RAB27A: variants seen among roughly 807,000 people sequenced by gnomAD.
RAB27A encodes the protein RAB27A, member RAS oncogene family.
RAB27A carries 17 observed loss-of-function variants against 20.8 expected under a neutral mutation model. That is an observed-to-expected ratio of 0.82 (90% confidence interval 0.56 to 1.23). The LOEUF is 1.23. RAB27A is among the 50% of genes most tolerant of loss of function. The pLI is 0.00. For synonymous variants in RAB27A, 85 were observed against 92.8 expected (o/e 0.92, Z 0.48); for missense variants, 277 against 266.7 (o/e 1.04, Z -0.27).
chr15:55,293,726 T>C (rs1368385326), upstream of RAB27A, among the ~76,000 whole-genome samples: 2 of 152,142 alleles, frequency 1.3e-5, no homozygotes, highest in Admixed American at 1.3e-4. Context: ...GAGACCAGCC[T>C]GGCCAACTTG....
Position 55,318,400 on chromosome 15 carries a change from T to C in RAB27A, c.-234+531A>G, listed in dbSNP as rs185418980. Among the ~76,000 whole-genome samples the C allele has an allele frequency of 1.7e-4, 24 of 138,242 alleles. No homozygotes were observed. The East Asian group carries it at 6.2e-3, about 36-fold the overall frequency. The allele number at this position is 138,242 out of a possible 152,430, so 90.7% of individuals were successfully genotyped here. On this transcript the variant is annotated intron_variant, in intron 1 of 5. Coordinates refer to the RAB27A transcript ENST00000563262. ...GCGTGAGCCACCGCGCCCGGCCTGG[T>C]TTTACTTTTAACAAGAGGAGTGGGC...
chr15:55,273,498 T>G (rs910360578), intron 1 of RAB27A, among the ~76,000 whole-genome samples: 3 of 152,014 alleles, frequency 2.0e-5, no homozygotes, highest in African/African-American at 7.2e-5. Flanking sequence ...ATTTGCTGCC[T>G]GAAAGAGAGT....
chr15:55,269,613 A>G (rs1897636569), intron 2 of RAB27A, among the ~76,000 whole-genome samples: 1 of 151,914 alleles, frequency 6.6e-6, no homozygotes, highest in Non-Finnish European at 1.5e-5. Flanking sequence ...CAGGCATGGT[A>G]GCGTGGGGTC....
rs141090803 is a variant in RAB27A at position 55,236,396 on chromosome 15, G to T, written c.-22-1440C>A. Reference sequence around the variant, plus strand: ...TCTCTAGAGTATCACTGCTCACTTGGGAACTGAGTTCCAGATTTGAACAGT... The same window carrying T: ...TCTCTAGAGTATCACTGCTCACTTGTGAACTGAGTTCCAGATTTGAACAGT... On this transcript the variant is annotated intron_variant, in intron 2 of 6. Coordinates refer to ENST00000336787, the MANE Select transcript of RAB27A (RefSeq NM_183235.3). 8.6e-4 allele frequency among the ~76,000 whole-genome samples: 131 copies of T among 152,044 alleles called. 2 individuals carry two copies. Among genetic ancestry groups the T allele is most frequent in the African/African-American group, 3.1e-3 (127 of 41,486 alleles).
At chr15:55,285,924 T>A (rs906895970) in intron 1 of RAB27A, among the ~76,000 whole-genome samples, 3 of 152,236 alleles carry the variant, frequency 2.0e-5, no homozygotes, top group Admixed American at 2.0e-4. Context: ...TCTGCCACTG[T>A]GGGAGGGACC....
intron 6 of RAB27A, among the ~76,000 whole-genome samples, chr15:55,217,806 G>A (rs574113746): frequency 1.1e-4 from 17 of 150,924 alleles, no homozygotes; most frequent in East Asian, 7.8e-4. Flanking sequence ...TGCCAAAGAC[G>A]AAAAAATTCA....
intron 2 of RAB27A, among the ~76,000 whole-genome samples, chr15:55,246,842 A>C (rs1345774709): frequency 1.3e-5 from 2 of 152,038 alleles, no homozygotes; most frequent in African/African-American, 2.4e-5. Context: ...TGAGTGCAAA[A>C]TCTACAAAGT....
At chr15:55,233,623 T>C (rs1173088751) in intron 3 of RAB27A, among the ~76,000 whole-genome samples, 2 of 152,130 alleles carry the variant, frequency 1.3e-5, no homozygotes, top group Admixed American at 6.5e-5. Flanking sequence ...GCAGAAGCCA[T>C]TGATAGAAAA....
chr15:55,205,735 C>T (rs1479619258), intron 6 of RAB27A, 30 bp from the exon 7 acceptor site: 3 of 1,558,208 alleles, frequency 1.9e-6, no homozygotes, highest in South Asian at 1.1e-5. Context: ...GAGGTAACAA[C>T]ATGTGGAGGG....
At chr15:55,273,126 G>T (rs1257027393) in intron 1 of RAB27A, among the ~76,000 whole-genome samples, 2 of 152,174 alleles carry the variant, frequency 1.3e-5, no homozygotes, top group South Asian at 2.1e-4. Flanking sequence ...AGACATAGAG[G>T]TTGGGCACGG....
intron 1 of RAB27A, among the ~76,000 whole-genome samples, chr15:55,316,270 T>C (rs2055043532): frequency 1.3e-5 from 2 of 150,052 alleles, no homozygotes; most frequent in African/African-American, 2.4e-5. Flanking sequence ...ATGTACTTTG[T>C]AGGGACATGG....
At chr15:55,303,631 G>A (rs1345445658) in intron 2 of RAB27A, among the ~76,000 whole-genome samples, 3 of 97,100 alleles carry the variant, frequency 3.1e-5, no homozygotes, top group Non-Finnish European at 4.2e-5. Context: ...CCCCCCGCCC[G>A]GCCAGCCGCC....
chr15:55,308,210 C>G (rs1273993624), intron 2 of RAB27A, among the ~76,000 whole-genome samples: 3 of 152,076 alleles, frequency 2.0e-5, no homozygotes, highest in Admixed American at 1.3e-4. Context: ...TTCTGATGAC[C>G]CCGGCAGTGT....
At chr15:55,246,328 C>A (rs1280457928) in intron 2 of RAB27A, among the ~76,000 whole-genome samples, 2 of 151,984 alleles carry the variant, frequency 1.3e-5, no homozygotes, top group African/African-American at 4.8e-5. Flanking sequence ...ACACAAACAA[C>A]TGTATGTTAG....
intron 2 of RAB27A, among the ~76,000 whole-genome samples, chr15:55,263,502 T>C (rs1897348875): frequency 6.6e-6 from 1 of 152,222 alleles, no homozygotes; most frequent in Non-Finnish European, 1.5e-5. Flanking sequence ...ATCCGAATTT[T>C]CTTTTGAACA....
intron 2 of RAB27A, among the ~76,000 whole-genome samples, chr15:55,241,043 T>C (rs879559759): frequency 6.6e-6 from 1 of 152,202 alleles, no homozygotes; most frequent in Non-Finnish European, 1.5e-5. Context: ...GTAAGTTCTA[T>C]GTAAGTATTA....
intron 2 of RAB27A, among the ~76,000 whole-genome samples, chr15:55,304,331 G>A (rs1251813029): frequency 6.6e-6 from 1 of 151,184 alleles, no homozygotes; most frequent in Admixed American, 6.6e-5. Context: ...ACTGCGGAAG[G>A]CCGCAGGGTC....
At chr15:55,268,115 T>C (rs772501239) in intron 2 of RAB27A, among the ~76,000 whole-genome samples, 4 of 151,874 alleles carry the variant, frequency 2.6e-5, no homozygotes, top group Non-Finnish European at 5.9e-5. Flanking sequence ...ATGGATAAAA[T>C]GCCCTCATGA....
intron 2 of RAB27A, among the ~76,000 whole-genome samples, chr15:55,295,983 G>A (rs1229553120): frequency 5.4e-5 from 8 of 149,488 alleles, no homozygotes; most frequent in African/African-American, 9.9e-5. Flanking sequence ...TGCAACCTCC[G>A]CCTTCCGGTT....
Sources: gnomAD v4.1 joint callset for allele counts (sites outside exome capture counted in the v4.1 genomes callset) on GRCh38, gnomAD v4.1.1 for gene constraint, MANE v1.5 for transcripts, NCBI Gene and HGNC (gene_info 2026-07-23, HGNC 2026-07-21) for gene names.